Variants in CCDC74A observed in about 807,000 individuals in gnomAD.
The protein encoded by CCDC74A is coiled-coil domain containing 74A.
CCDC74A carries 38 observed loss-of-function variants against 37.6 expected under a neutral mutation model. The ratio of observed to expected loss-of-function variants is 1.01; its 90% CI spans 0.78 to 1.33. CCDC74A has a LOEUF of 1.33. Among genes scored for constraint, CCDC74A ranks in the 40% most tolerant of loss-of-function variants. The pLI is 0.00. For synonymous variants in CCDC74A, 134 were observed against 165.2 expected, an observed-to-expected ratio of 0.81 and a Z score of 1.45; for missense variants, 340 against 403.4, an observed-to-expected ratio of 0.84 and a Z score of 1.35.
upstream of CCDC74A, among the ~76,000 whole-genome samples, chr2:131,523,205 G>A (rs1008562543): frequency 1.3e-5 from 2 of 152,214 alleles, no homozygotes; most frequent in African/African-American, 4.8e-5. Context: ...ACGCTGGAGA[G>A]AGGCCTCTTA....
rs1459563175 is a variant in CCDC74A, at chr2:131,528,207, G to A, written c.237G>A (p.Lys79=). 5.0e-6 allele frequency: 8 copies of A among 1,612,814 alleles called. No individual in the cohort carries two copies. The highest frequency in any genetic ancestry group is 1.3e-5 in the African/African-American group (1 of 75,020). Residue 79 remains lysine, a synonymous_variant, in exon 1 of 8, where the codon AAG becomes AAA. Coordinates refer to ENST00000409856, the MANE Select transcript of CCDC74A (RefSeq NM_001258306.3). ...AKLHEEIEHL[K]RENKDLHYKL... is the part of the protein sequence containing the mutation. ...TCCATGAGGAGATCGAGCATCTGAA[G>A]CGGGAAAACAAGGGTGAGCCGGCGC...
upstream of CCDC74A, among the ~76,000 whole-genome samples, chr2:131,525,234 G>A (rs1680256708): frequency 6.6e-6 from 1 of 151,632 alleles, no homozygotes; most frequent in Non-Finnish European, 1.5e-5. Context: ...CCTTTTTTTA[G>A]ATCCAAATTT....
In CCDC74A at chr2:131,533,305, C is replaced by T. The variant is rs150575465; in HGVS notation, c.846C>T (p.Pro282=). The change falls in exon 8 of 8, where the codon CCC becomes CCT. Residue 282 remains proline, a synonymous_variant. Coordinates refer to ENST00000409856, the MANE Select transcript of CCDC74A (RefSeq NM_001258306.3). ...CTGTGGCGGAGCGTGCCATCCTGCC[C>T]GCACTGAAGCAGACCCCGAAGAACA... ...SPPVAERAIL[P]ALKQTPKNNF... The T allele has an allele frequency of 1.7e-4, 267 of 1,613,272 alleles. 1 individual carries two copies. The highest frequency in any genetic ancestry group is 4.0e-4 in the Admixed American group (24 of 60,018).
At position 131,533,262 on chromosome 2, in the gene CCDC74A, G is replaced by A. The variant is rs377462741; in HGVS notation, c.810-7G>A. Reference sequence around the variant, plus strand: ...GCTCACGGTGACAGTCCCTCTACCCGCCCCAGCCTGAGCCCACCTGTGGCG... The same window carrying A: ...GCTCACGGTGACAGTCCCTCTACCCACCCCAGCCTGAGCCCACCTGTGGCG... On this transcript the variant is annotated splice_region_variant and splice_polypyrimidine_tract_variant and intron_variant, in intron 7 of 7. Transcript: ENST00000409856. The A allele has an allele frequency of 7.4e-6, 12 of 1,612,514 alleles. No homozygotes were observed. Among genetic ancestry groups the A allele is most frequent in the Non-Finnish European group, 1.0e-5 (12 of 1,179,760 alleles).
Position 131,529,638 on chromosome 2 carries a change from T to G in CCDC74A, c.251-9T>G. On this transcript the variant is annotated splice_polypyrimidine_tract_variant and intron_variant, in intron 1 of 7. Transcript: ENST00000409856. ...ACAAGTGCTGAGGAGAGCGTGTGCT[T>G]GCTTTCAGATCTCCATTACAAGCTC... 1.9e-6 allele frequency: 3 copies of G among 1,614,008 alleles called. No individual in the cohort carries two copies. Among genetic ancestry groups the G allele is most frequent in the Non-Finnish European group, 2.5e-6 (3 of 1,179,856 alleles).
upstream of CCDC74A, among the ~76,000 whole-genome samples, chr2:131,524,071 A>C (rs2104768898): frequency 6.6e-6 from 1 of 152,160 alleles, no homozygotes; most frequent in Admixed American, 6.5e-5. Flanking sequence ...CCTGCTCTGA[A>C]ACTTGCTTTG....
intron 1 of CCDC74A, 100 bp from the exon 2 acceptor site, chr2:131,529,547 G>A (rs1459987145): frequency 6.6e-6 from 10 of 1,523,412 alleles, no homozygotes; most frequent in Admixed American, 5.0e-5. Flanking sequence ...GGGGGGGCAG[G>A]ACTTTTGGGC....
At chr2:131,526,945 G>C (rs1373484559), upstream of CCDC74A, among the ~76,000 whole-genome samples, 2 of 151,898 alleles carry the variant, frequency 1.3e-5, no homozygotes, top group Non-Finnish European at 2.9e-5. Flanking sequence ...GTGGGGAAAG[G>C]AGAGCCAGAG....
In CCDC74A at chr2:131,532,815, A is replaced by G. The variant is rs761232318; in HGVS notation, c.678+34A>G. 3.1e-6 allele frequency: 5 copies of G among 1,612,870 alleles called. No individual in the cohort carries two copies. The South Asian group carries it at 5.5e-5, about 18-fold the overall frequency. ...CTGGGTGGTGGGGGTGGCCCTGGGCAGTCTGGCACCGCCACAGGCCCCACC... is the reference window on the plus strand; with the variant it reads ...CTGGGTGGTGGGGGTGGCCCTGGGCGGTCTGGCACCGCCACAGGCCCCACC... On this transcript the variant is annotated intron_variant, in intron 5 of 7. Coordinates refer to ENST00000409856, the MANE Select transcript of CCDC74A (RefSeq NM_001258306.3).
At chr2:131,530,380 G>A (rs3101990) in intron 2 of CCDC74A, 59 of 1,546,582 alleles carry the variant, frequency 3.8e-5, no homozygotes, top group Middle Eastern at 3.3e-4. Flanking sequence ...CCCTTCCCAG[G>A]GAGACATGGA....
chr2:131,522,712 A>G (rs1325864933), upstream of CCDC74A, among the ~76,000 whole-genome samples: 1 of 152,066 alleles, frequency 6.6e-6, no homozygotes, highest in Non-Finnish European at 1.5e-5. Context: ...CCCACGATCT[A>G]CCGCTAGGAT....
Position 131,528,234 on chromosome 2 carries a change from G to A in CCDC74A, c.250+14G>A. ...GGGAAAACAAGGGTGAGCCGGCGCG[G>A]GGCCCTAGGCCGGCCCTGCCTCCCC... On this transcript the variant is annotated intron_variant, in intron 1 of 7. Transcript: ENST00000409856. The A allele has an allele frequency of 6.2e-7, 1 of 1,610,870 alleles. No individual in the cohort carries two copies. The highest frequency in any genetic ancestry group is 2.2e-5 in the East Asian group (1 of 44,758).
Position 131,529,821 on chromosome 2 carries a change from C to T in CCDC74A, c.295+130C>T. ...CCCAGTGGGTACAGGTTCTGGGGGA[C>T]CTGGACAGATGCCGCTACCTCTAGC... On this transcript the variant is annotated intron_variant, in intron 2 of 7. Transcript: ENST00000409856. 5 of 1,536,736 alleles carry T rather than the reference C, an allele frequency of 3.3e-6. No individual in the cohort carries two copies. In the South Asian group the frequency reaches 5.1e-5, roughly 16 times the overall value.
chr2:131,523,575 C>T (rs1354008351), upstream of CCDC74A, among the ~76,000 whole-genome samples: 4 of 152,052 alleles, frequency 2.6e-5, no homozygotes, highest in Admixed American at 6.6e-5. Flanking sequence ...TGCAGTAAGC[C>T]GAGATCGCAC....
chr2:131,530,086 C>T (rs1267880973), intron 2 of CCDC74A: 2 of 1,550,386 alleles, frequency 1.3e-6, no homozygotes, highest in Admixed American at 3.9e-5. Flanking sequence ...TCCTCACATG[C>T]TGGGGGCCCA....
At chr2:131,532,332 C>T (rs1201791060) in intron 4 of CCDC74A, among the ~76,000 whole-genome samples, 7 of 142,510 alleles carry the variant, frequency 4.9e-5, no homozygotes, top group South Asian at 4.6e-4. Context: ...TGTGGGGTCA[C>T]GATCAAGAGC....
At chr2:131,532,114 AGAGAAG>A (rs1681436576) in intron 4 of CCDC74A, among the ~76,000 whole-genome samples, 1 of 150,094 alleles carries the variant, frequency 6.7e-6, no homozygotes, top group Admixed American at 6.6e-5. Context: ...ATTCTTACCA[AGAGAAG>A]GCTTGCTGCC....
At chr2:131,530,463 C>T (rs1189470879) in intron 2 of CCDC74A, 1 of 1,543,722 alleles carries the variant, frequency 6.5e-7, no homozygotes, top group South Asian at 1.2e-5. Context: ...CAAAGTGTGG[C>T]CCAAGTCGGC....
chr2:131,532,886 T>C lies in CCDC74A; in HGVS notation c.701T>C (p.Leu234Pro), dbSNP rs1681605215. Residue 234 changes from leucine (L) to proline (P), a missense_variant, in exon 6 of 8, where the codon CTG becomes CCG. This residue lies in a region of CCDC74A where 185 missense variants were observed against 231.5 expected (regional missense o/e 0.80). Coordinates refer to ENST00000409856, the MANE Select transcript of CCDC74A (RefSeq NM_001258306.3). ...TQELRHLKSL[L>P]EGSQRPQAAP... ...CAGCTGCGGCACCTCAAGTCCCTCC[T>C]GGAAGGGAGCCAGAGGCCCCAGGCA... 6.2e-7 allele frequency: 1 copy of C among 1,613,498 alleles called. No individual in the cohort carries two copies. Among genetic ancestry groups the C allele is most frequent in the Admixed American group, 1.7e-5 (1 of 60,012 alleles).
Sources: gnomAD v4.1 joint callset for allele counts (sites outside exome capture counted in the v4.1 genomes callset) on GRCh38, gnomAD v4.1.1 for gene constraint, gnomAD v4.1.1 regional missense constraint, MANE v1.5 for transcripts, NCBI Gene and HGNC (gene_info 2026-07-23, HGNC 2026-07-21) for gene names.